CEP164: variants seen among roughly 807,000 people sequenced by gnomAD.
CEP164 encodes the protein centrosomal protein of 164 kDa.
CEP164 carries 162 observed loss-of-function variants against 182.7 expected under a neutral mutation model. That is an observed-to-expected ratio of 0.89 (90% CI 0.78 to 1.01). CEP164 has a LOEUF of 1.01. Ranked by LOEUF, CEP164 falls within the 50% of genes least tolerant of loss-of-function variation. The pLI is 0.00. For missense variants in CEP164, 1,735 were observed against 1,790.4 expected (o/e 0.97, Z 0.56); for synonymous variants, 661 against 690.0 (o/e 0.96, Z 0.66).
chr11:117,344,026 A>G, intron 3 of CEP164, 140 bp from the exon 4 acceptor site: 1 of 599,886 alleles, frequency 1.7e-6, no homozygotes, highest in Non-Finnish European at 3.0e-6. Context: ...GTAAGGAAAC[A>G]ATTATATATG....
chr11:117,397,432 C>G, intron 27 of CEP164, 119 bp downstream of exon 27: 1 of 897,620 alleles, frequency 1.1e-6, no homozygotes, highest in Non-Finnish European at 1.7e-6. Flanking sequence ...AGAGTGGCCA[C>G]CTTGGCCCTG....
At chr11:117,340,362 G>A (rs1467145965) in intron 3 of CEP164, among the ~76,000 whole-genome samples, 2 of 152,308 alleles carry the variant, frequency 1.3e-5, no homozygotes, top group Admixed American at 6.5e-5. Flanking sequence ...ATTATTTGGA[G>A]TGAAAGTTTC....
In CEP164 at chr11:117,412,210, C is replaced by A; in HGVS notation, c.*42C>A. 6.4e-7 allele frequency: 1 copy of A among 1,559,192 alleles called. No homozygotes were observed. Among genetic ancestry groups the A allele is most frequent in the South Asian group, 1.1e-5 (1 of 87,500 alleles). On this transcript the variant is annotated 3_prime_UTR_variant, in exon 33 of 33. Coordinates refer to ENST00000278935, the MANE Select transcript of CEP164 (RefSeq NM_014956.5). Reference sequence around the variant, plus strand: ...TTGGGGCAGCCCAGCCTCTCCTCCACCCAGACCAAGTGCCTGAGGAGCTGC... The same window carrying A: ...TTGGGGCAGCCCAGCCTCTCCTCCAACCAGACCAAGTGCCTGAGGAGCTGC...
At chr11:117,373,221 G>A (rs1398081839) in intron 9 of CEP164, among the ~76,000 whole-genome samples, 1 of 152,062 alleles carries the variant, frequency 6.6e-6, no homozygotes, top group Non-Finnish European at 1.5e-5. Flanking sequence ...ACAAAAATTA[G>A]CTGGACATGG....
chr11:117,402,225 C>CTTTT (rs760678070), intron 27 of CEP164, among the ~76,000 whole-genome samples: 406 of 141,208 alleles, frequency 2.9e-3, no homozygotes, highest in African/African-American at 9.9e-3. Flanking sequence ...CTTTTCTTGT[C>CTTTT]TTTTTTTTTT....
Position 117,412,351 on chromosome 11 carries a change from ATC to A in CEP164, c.*186_*187del, listed in dbSNP as rs2047448550. On this transcript the variant is annotated 3_prime_UTR_variant, in exon 33 of 33. Transcript: ENST00000278935. ...CACACATTCTGTGACTATATAACCTATCTCAGGCTAAAATGTGTGGACTCGTA... is the reference window on the plus strand; with the variant it reads ...CACACATTCTGTGACTATATAACCTATCAGGCTAAAATGTGTGGACTCGTA... 1 of 536,782 alleles carries A rather than the reference ATC, an allele frequency of 1.9e-6. No individual in the cohort carries two copies. The highest frequency in any genetic ancestry group is 3.4e-5 in the Admixed American group (1 of 29,334). 33.3% of individuals were successfully genotyped at this position (536,782 alleles called of 1,614,324 possible).
intron 5 of CEP164, chr11:117,355,347 C>T: frequency 2.3e-6 from 3 of 1,289,856 alleles, no homozygotes; most frequent in South Asian, 2.5e-5. Context: ...AAACTGGGCA[C>T]TCCAGCCCCT....
chr11:117,363,384 A>T (rs2135722048), intron 7 of CEP164, 45 bp from the exon 8 acceptor site: 3 of 1,447,538 alleles, frequency 2.1e-6, no homozygotes, highest in Non-Finnish European at 2.9e-6. Flanking sequence ...CCCTGGGTTG[A>T]CCAGTTTCTT....
intron 4 of CEP164, among the ~76,000 whole-genome samples, chr11:117,349,637 C>T (rs944144813): frequency 6.6e-6 from 1 of 152,150 alleles, no homozygotes; most frequent in South Asian, 2.1e-4. Flanking sequence ...AGGTGTGCAC[C>T]ATGGTGCCCA....
chr11:117,351,651 T>A, intron 4 of CEP164, 139 bp from the exon 5 acceptor site: 1 of 711,442 alleles, frequency 1.4e-6, no homozygotes, highest in Non-Finnish European at 2.4e-6. Context: ...CCCCTCTCAT[T>A]CCATCTTCTC....
In CEP164 at chr11:117,371,654, G is replaced by A. The variant is rs140667494; in HGVS notation, c.1152+188G>A. ...CAAATATGCCCAGACCCAGCAGGCA[G>A]TAAAATCCGGAATGAAGCTGCAGAC... On this transcript the variant is annotated intron_variant, in intron 9 of 32. Transcript: ENST00000278935. Among the ~76,000 whole-genome samples, 17 of 152,330 alleles carry A rather than the reference G, an allele frequency of 1.1e-4. No homozygotes were observed. The East Asian group carries it at 3.1e-3, about 28-fold the overall frequency.
intron 4 of CEP164, among the ~76,000 whole-genome samples, chr11:117,344,889 C>T (rs476983): frequency 0.046 from 6,917 of 150,892 alleles, 296 homozygotes; most frequent in East Asian, 0.16. Context: ...GATTGCGGCA[C>T]AGCACTCCAG....
intron 13 of CEP164, 109 bp from the exon 14 acceptor site, chr11:117,382,687 G>T: frequency 7.6e-7 from 1 of 1,313,340 alleles, no homozygotes; most frequent in East Asian, 2.3e-5. Flanking sequence ...GAAATTGTTG[G>T]GCTGTCTCTC....
chr11:117,412,667 C>G lies in CEP164; in HGVS notation c.*499C>G, dbSNP rs2047475447. On this transcript the variant is annotated 3_prime_UTR_variant, in exon 33 of 33. Coordinates refer to ENST00000278935, the MANE Select transcript of CEP164 (RefSeq NM_014956.5). ...TATCTCCAATACCTCAGCCTCAGAT[C>G]AGACCCTTTCTTTTTTGTCTTTCTT... 6.4e-6 allele frequency: 1 copy of G among 155,232 alleles called. No homozygotes were observed. Among genetic ancestry groups the G allele is most frequent in the Non-Finnish European group, 1.4e-5 (1 of 69,696 alleles). The allele number at this position is 155,232 out of a possible 1,614,324, so 9.6% of individuals were successfully genotyped here.
At chr11:117,324,875 G>A (rs957851898), upstream of CEP164, among the ~76,000 whole-genome samples, 1 of 152,138 alleles carries the variant, frequency 6.6e-6, no homozygotes, top group Non-Finnish European at 1.5e-5. Flanking sequence ...GGTGGTGACA[G>A]AGTAAGACTG....
At chr11:117,380,470 C>A (rs1356859225) in intron 11 of CEP164, 144 bp from the exon 12 acceptor site, 2 of 655,728 alleles carry the variant, frequency 3.1e-6, no homozygotes, top group South Asian at 1.8e-5. Flanking sequence ...AGTAGATCAA[C>A]CTTCTGTTCT....
At chr11:117,359,346 G>C in intron 5 of CEP164, 1 of 855,106 alleles carries the variant, frequency 1.2e-6, no homozygotes, top group Non-Finnish European at 1.4e-6. Flanking sequence ...ATAAGACATT[G>C]TACGGAAGGT....
At chr11:117,401,019 C>G (rs2046074758) in intron 27 of CEP164, among the ~76,000 whole-genome samples, 1 of 152,128 alleles carries the variant, frequency 6.6e-6, no homozygotes. Flanking sequence ...ACTTCCAATA[C>G]TGTGTTGAAT....
chr11:117,337,510 T>TAA (rs55864956), intron 2 of CEP164, among the ~76,000 whole-genome samples: 19 of 128,872 alleles, frequency 1.5e-4, no homozygotes, highest in Admixed American at 3.2e-4. Flanking sequence ...ACCATCTCTG[T>TAA]AAAAAAAAAA....
Sources: allele counts gnomAD v4.1 joint callset (sites outside exome capture counted in the v4.1 genomes callset), GRCh38; gene constraint gnomAD v4.1.1; transcripts MANE v1.5; gene names NCBI Gene and HGNC (gene_info 2026-07-23, HGNC 2026-07-21).